Variants in ZMIZ1 observed in about 807,000 individuals in gnomAD.
The protein encoded by ZMIZ1 is zinc finger MIZ domain-containing protein 1.
ZMIZ1 carries 17 observed loss-of-function variants against 113.9 expected under a neutral mutation model. The observed-to-expected ratio is 0.15, with a 90% CI of 0.10 to 0.22. ZMIZ1 has a LOEUF of 0.22. Ranked by LOEUF, ZMIZ1 falls within the 10% of genes least tolerant of loss-of-function variation. The pLI is 1.00. For missense variants in ZMIZ1, 1,059 were observed against 1,477.8 expected, an observed-to-expected ratio of 0.72 and a Z score of 4.65; for synonymous variants, 607 against 603.1, an observed-to-expected ratio of 1.01 and a Z score of -0.09.
chr10:79,095,422 A>C (rs1231945509), intron 1 of ZMIZ1, among the ~76,000 whole-genome samples: 6 of 152,230 alleles, frequency 3.9e-5, no homozygotes, highest in Admixed American at 3.9e-4. Context: ...TTCCAGGCCC[A>C]CTTCTTTACC....
intron 7 of ZMIZ1, among the ~76,000 whole-genome samples, chr10:79,265,120 A>C (rs1236668930): frequency 6.6e-6 from 1 of 152,124 alleles, no homozygotes; most frequent in Non-Finnish European, 1.5e-5. Flanking sequence ...ACACGCCTCG[A>C]GGCTCCCAGT....
intron 7 of ZMIZ1, among the ~76,000 whole-genome samples, chr10:79,272,500 G>A (rs999386528): frequency 2.0e-5 from 3 of 152,234 alleles, no homozygotes; most frequent in African/African-American, 7.2e-5. Context: ...GCGCCAAGGC[G>A]TCCTCCCAGC....
chr10:79,226,560 G>A (rs1039454521), intron 7 of ZMIZ1, among the ~76,000 whole-genome samples: 1 of 152,210 alleles, frequency 6.6e-6, no homozygotes, highest in African/African-American at 2.4e-5. Context: ...AAAGAGCCAG[G>A]TAAGAGGATT....
chr10:79,235,714 G>T (rs1212357721), intron 7 of ZMIZ1, among the ~76,000 whole-genome samples: 1 of 152,236 alleles, frequency 6.6e-6, no homozygotes, highest in Non-Finnish European at 1.5e-5. Flanking sequence ...AGGAGGTACC[G>T]GGTAGGATGG....
At chr10:79,256,654 A>G (rs1850921207) in intron 7 of ZMIZ1, among the ~76,000 whole-genome samples, 1 of 152,214 alleles carries the variant, frequency 6.6e-6, no homozygotes, top group Non-Finnish European at 1.5e-5. Flanking sequence ...TGAGTGTCTG[A>G]AGACTGGACT....
intron 1 of ZMIZ1, among the ~76,000 whole-genome samples, chr10:79,101,307 A>AG (rs1392639385): frequency 1.3e-5 from 2 of 152,092 alleles, no homozygotes; most frequent in African/African-American, 4.8e-5. Context: ...CTCTAGGATG[A>AG]GGGGGAAGTT....
At chr10:79,216,401 G>A in intron 7 of ZMIZ1, 127 bp downstream of exon 7, 1 of 739,826 alleles carries the variant, frequency 1.4e-6, no homozygotes, top group Non-Finnish European at 2.1e-6. Flanking sequence ...GCGAACCCCT[G>A]AGGAAGAGCA....
intron 4 of ZMIZ1, among the ~76,000 whole-genome samples, chr10:79,195,548 T>C (rs549549802): frequency 1.4e-4 from 21 of 152,294 alleles, no homozygotes; most frequent in African/African-American, 5.1e-4. Flanking sequence ...TGTAAAGGCT[T>C]AAAGGAGTCC....
intron 1 of ZMIZ1, among the ~76,000 whole-genome samples, chr10:79,105,778 G>A (rs951393306): frequency 2.0e-5 from 3 of 152,226 alleles, no homozygotes; most frequent in Non-Finnish European, 2.9e-5. Flanking sequence ...AAAAATAAAA[G>A]TATTTATGCA....
chr10:79,090,033 A>G (rs1226521325), intron 1 of ZMIZ1, among the ~76,000 whole-genome samples: 1 of 152,142 alleles, frequency 6.6e-6, no homozygotes, highest in Non-Finnish European at 1.5e-5. Flanking sequence ...GCAACCAGGG[A>G]CAACCCCACC....
intron 1 of ZMIZ1, among the ~76,000 whole-genome samples, chr10:79,079,763 G>T (rs545483187): frequency 6.6e-6 from 1 of 152,284 alleles, no homozygotes; most frequent in South Asian, 2.1e-4. Flanking sequence ...GGGATTCAGT[G>T]TCCCAGAAAG....
At chr10:79,108,674 G>A (rs559641646) in intron 1 of ZMIZ1, among the ~76,000 whole-genome samples, 17 of 152,184 alleles carry the variant, frequency 1.1e-4, no homozygotes, top group Non-Finnish European at 2.1e-4. Flanking sequence ...CACACAGATC[G>A]TGGGTCAGGG....
chr10:79,314,967 T>C lies in ZMIZ1; in HGVS notation c.*2218T>C, dbSNP rs774148096. 2.6e-5 allele frequency: 4 copies of C among 152,756 alleles called. No homozygotes were observed. Among genetic ancestry groups the C allele is most frequent in the African/African-American group, 9.6e-5 (4 of 41,478 alleles). The allele number at this position is 152,756 out of a possible 1,614,324, so 9.5% of individuals were successfully genotyped here. A position where few individuals can be genotyped will look rare whatever the true frequency, so the allele number is the denominator to read the frequency against. ...TAGGAGTTCTTGCTTCTTGCGTTGA[T>C]ACTTTGCCCCAGAAAGGCCTGGGAT... is the stretch of plus-strand genomic sequence containing the variant. On this transcript the variant is annotated 3_prime_UTR_variant, in exon 25 of 25. Coordinates refer to ENST00000334512, the MANE Select transcript of ZMIZ1 (RefSeq NM_020338.4).
chr10:79,243,212 G>A (rs1179728025), intron 7 of ZMIZ1, among the ~76,000 whole-genome samples: 2 of 150,876 alleles, frequency 1.3e-5, no homozygotes, highest in East Asian at 2.0e-4. Flanking sequence ...CAGGGTCCGC[G>A]AGCGCGGCGC....
chr10:79,313,573 A>G lies in ZMIZ1; in HGVS notation c.*824A>G. ...AGAGAGCAGGTGTACACCCAACCAA[A>G]GTGATTGTGCCCTTGGTTGGGGGGC... On this transcript the variant is annotated 3_prime_UTR_variant, in exon 25 of 25. Coordinates refer to ENST00000334512, the MANE Select transcript of ZMIZ1 (RefSeq NM_020338.4). 4.9e-6 allele frequency: 1 copy of G among 203,714 alleles called. No individual in the cohort carries two copies. Among genetic ancestry groups the G allele is most frequent in the Non-Finnish European group, 1.0e-5 (1 of 100,164 alleles). The allele number at this position is 203,714 out of a possible 1,614,324, so 12.6% of individuals were successfully genotyped here.
chr10:79,129,991 G>C (rs1844686097), intron 2 of ZMIZ1, among the ~76,000 whole-genome samples: 1 of 152,252 alleles, frequency 6.6e-6, no homozygotes, highest in African/African-American at 2.4e-5. Flanking sequence ...GATGCAGGCA[G>C]CTGCTGGTTC....
At chr10:79,302,681 C>CTTTT (rs758621365) in intron 18 of ZMIZ1, among the ~76,000 whole-genome samples, 422 of 41,786 alleles carry the variant, frequency 0.01, 43 homozygotes, top group Non-Finnish European at 0.016. Flanking sequence ...ACAGCTCATG[C>CTTTT]TTTTTTTTTT....
intron 5 of ZMIZ1, 73 bp from the exon 6 acceptor site, chr10:79,208,263 C>T (rs1848411498): frequency 2.9e-6 from 4 of 1,382,036 alleles, no homozygotes; most frequent in East Asian, 2.3e-5. Flanking sequence ...TTCTTCCCAC[C>T]CCAGACCCCC....
chr10:79,298,316 C>A, intron 14 of ZMIZ1, 90 bp from the exon 15 acceptor site: 2 of 1,417,346 alleles, frequency 1.4e-6, no homozygotes, highest in South Asian at 1.4e-5. Context: ...GGCTCCAGGC[C>A]CCTGGGATGA....
Sources: gnomAD v4.1 joint callset for allele counts (sites outside exome capture counted in the v4.1 genomes callset) on GRCh38, gnomAD v4.1.1 for gene constraint, MANE v1.5 for transcripts, NCBI Gene and HGNC (gene_info 2026-07-23, HGNC 2026-07-21) for gene names.